The following LGR5 variants were observed in gnomAD, a reference collection of about 807,000 sequenced individuals.
The protein encoded by LGR5 is leucine rich repeat containing G protein-coupled receptor 5.
LGR5 carries 54 observed loss-of-function variants against 76.7 expected under a neutral mutation model. The ratio of observed to expected loss-of-function variants is 0.70; its 90% confidence interval spans 0.57 to 0.88. The LOEUF (loss-of-function observed/expected upper bound fraction) is 0.88. Ranked by LOEUF, LGR5 falls within the 40% of genes least tolerant of loss-of-function variation. The probability of loss-of-function intolerance (pLI) is 0.00; values close to 1 mark genes in which losing one functional copy is unlikely to be tolerated. For missense variants in LGR5, 1,078 were observed against 1,073.3 expected (o/e 1.00, Z -0.06); for synonymous variants, 406 against 421.9 (o/e 0.96, Z 0.46).
At position 71,493,770 on chromosome 12, in the gene LGR5, CT is replaced by C. The variant is rs57504416; in HGVS notation, c.213-10829del. The stretch of plus-strand genomic sequence containing the variant: ...GTCTTATTTGATTTTAGTAAATAAG[CT>C]TTTTTTTTTTTTTTCGAGACAGGGT... On this transcript the variant is annotated intron_variant, in intron 1 of 17. Transcript: ENST00000266674. 9.8e-4 allele frequency among the ~76,000 whole-genome samples: 127 copies of C among 129,528 alleles called. 1 individual carries two copies. Among genetic ancestry groups the C allele is most frequent in the African/African-American group, 2.5e-3 (78 of 31,750 alleles). 85.0% of individuals were successfully genotyped at this position (129,528 alleles called of 152,430 possible).
chr12:71,512,799 TGCAAGGAG>T (rs1875227939), intron 2 of LGR5, among the ~76,000 whole-genome samples: 1 of 152,148 alleles, frequency 6.6e-6, no homozygotes, highest in South Asian at 2.1e-4. Context: ...ATATACTAAG[TGCAAGGAG>T]GCAGCAGGAC....
chr12:71,559,571 T>G lies in LGR5; in HGVS notation c.717-15T>G, dbSNP rs1324205201. 7.2e-7 allele frequency: 1 copy of G among 1,396,798 alleles called. No homozygotes were observed. Among genetic ancestry groups the G allele is most frequent in the Non-Finnish European group, 1.0e-6 (1 of 983,290 alleles). 86.5% of individuals were successfully genotyped at this position (1,396,798 alleles called of 1,614,324 possible). ...TTTAAATAAAAAACTGAAAATACTATGTACTCATTTTCAGAGATTTAAATT... is the reference window on the plus strand; with the variant it reads ...TTTAAATAAAAAACTGAAAATACTAGGTACTCATTTTCAGAGATTTAAATT... On this transcript the variant is annotated splice_polypyrimidine_tract_variant and intron_variant, in intron 6 of 17. Transcript: ENST00000266674.
intron 1 of LGR5, among the ~76,000 whole-genome samples, chr12:71,469,043 G>A (rs1872978235): frequency 6.6e-6 from 1 of 152,030 alleles, no homozygotes; most frequent in South Asian, 2.1e-4. Flanking sequence ...TTCAATTTTT[G>A]TATTTTCGTT....
chr12:71,532,814 A>G (rs1021861088), intron 3 of LGR5, among the ~76,000 whole-genome samples: 3 of 150,376 alleles, frequency 2.0e-5, no homozygotes, highest in African/African-American at 7.3e-5. Flanking sequence ...TTTTTTTGAG[A>G]CAGGGTCTCA....
chr12:71,457,580 C>T (rs1872535756), intron 1 of LGR5, among the ~76,000 whole-genome samples: 1 of 152,106 alleles, frequency 6.6e-6, no homozygotes, highest in Admixed American at 6.5e-5. Flanking sequence ...AAGATAGTTT[C>T]ATGGGCTGCA....
intron 2 of LGR5, among the ~76,000 whole-genome samples, chr12:71,523,420 G>A (rs888475824): frequency 2.0e-5 from 3 of 152,000 alleles, no homozygotes; most frequent in Non-Finnish European, 2.9e-5. Context: ...GGAGGGTGAC[G>A]CAGGAGGATT....
chr12:71,582,377 C>T (rs1251088710), intron 16 of LGR5, 79 bp from the exon 17 acceptor site: 2 of 1,146,462 alleles, frequency 1.7e-6, no homozygotes, highest in Non-Finnish European at 2.6e-6. Flanking sequence ...TCCAGAATAA[C>T]CCAGGACTCT....
intron 1 of LGR5, among the ~76,000 whole-genome samples, chr12:71,478,313 G>A (rs1314116867): frequency 6.6e-6 from 1 of 152,188 alleles, no homozygotes; most frequent in Non-Finnish European, 1.5e-5. Flanking sequence ...AGACGTTAAG[G>A]AAAGACAGAT....
intron 1 of LGR5, among the ~76,000 whole-genome samples, chr12:71,445,850 T>G (rs1002333124): frequency 6.6e-6 from 1 of 152,248 alleles, no homozygotes; most frequent in Non-Finnish European, 1.5e-5. Context: ...TATATCCTCA[T>G]GTATTACTTC....
At chr12:71,558,441 A>C (rs1309244696) in intron 6 of LGR5, among the ~76,000 whole-genome samples, 3 of 152,112 alleles carry the variant, frequency 2.0e-5, no homozygotes, top group Non-Finnish European at 4.4e-5. Context: ...GAGGATAAGC[A>C]ATTTGGTTAT....
chr12:71,546,486 G>A (rs1212259300), intron 4 of LGR5, among the ~76,000 whole-genome samples: 2 of 151,912 alleles, frequency 1.3e-5, no homozygotes, highest in Non-Finnish European at 2.9e-5. Context: ...CCATCCAGTT[G>A]CCCAGGCCAG....
At position 71,535,167 on chromosome 12, in the gene LGR5, T is replaced by C; in HGVS notation, c.409T>C (p.Leu137=). The C allele has an allele frequency of 1.2e-6, 2 of 1,609,676 alleles. No individual in the cohort carries two copies. Among genetic ancestry groups the C allele is most frequent in the South Asian group, 2.2e-5 (2 of 90,986 alleles). ...CGTACCCACAGAAGCTCTGCAGAAT[T>C]TGCGAAGCCTTCAATCCCTGTAAGT... ...RHVPTEALQN[L]RSLQSLRLDA... is the part of the protein sequence containing the mutation. The change falls in exon 4 of 18, where the codon TTG becomes CTG. Residue 137 remains leucine (L), a synonymous_variant. Coordinates refer to ENST00000266674, the MANE Select transcript of LGR5 (RefSeq NM_003667.4).
chr12:71,528,275 T>C (rs897511460), intron 3 of LGR5, among the ~76,000 whole-genome samples: 17 of 151,994 alleles, frequency 1.1e-4, no homozygotes, highest in Non-Finnish European at 2.2e-4. Flanking sequence ...CTGGGCAGCA[T>C]GGCAAAACCC....
intron 1 of LGR5, among the ~76,000 whole-genome samples, chr12:71,475,721 AG>A (rs1162492441): frequency 5.9e-5 from 9 of 152,212 alleles, no homozygotes; most frequent in African/African-American, 1.9e-4. Flanking sequence ...CCCTAACAAA[AG>A]AAAGGTTGTG....
chr12:71,571,402 C>T, intron 11 of LGR5, 112 bp from the exon 12 acceptor site: 1 of 673,452 alleles, frequency 1.5e-6, no homozygotes, highest in Non-Finnish European at 2.5e-6. Context: ...TGAAAATGTT[C>T]AGAGTCTGCC....
intron 1 of LGR5, among the ~76,000 whole-genome samples, chr12:71,447,124 C>T (rs932028614): frequency 9.2e-5 from 14 of 152,212 alleles, no homozygotes; most frequent in African/African-American, 2.2e-4. Context: ...GGATGAGATG[C>T]GATACATTGT....
intron 2 of LGR5, among the ~76,000 whole-genome samples, chr12:71,514,304 C>A (rs532431729): frequency 1.8e-4 from 27 of 152,018 alleles, no homozygotes; most frequent in African/African-American, 6.5e-4. Flanking sequence ...CACGGTGGCT[C>A]ACGCCTGTAA....
intron 16 of LGR5, among the ~76,000 whole-genome samples, chr12:71,581,725 C>G (rs1461212037): frequency 1.3e-5 from 2 of 152,174 alleles, no homozygotes; most frequent in East Asian, 1.9e-4. Flanking sequence ...TATTAGAGAG[C>G]CTACTTTGTG....
chr12:71,499,069 G>A (rs185192689), intron 1 of LGR5, among the ~76,000 whole-genome samples: 23 of 152,262 alleles, frequency 1.5e-4, no homozygotes, highest in African/African-American at 5.3e-4. Flanking sequence ...TTTTCTGGTA[G>A]CACTCAGTAT....
Sources: allele counts gnomAD v4.1 joint callset (sites outside exome capture counted in the v4.1 genomes callset), GRCh38; gene constraint gnomAD v4.1.1; transcripts MANE v1.5; gene names NCBI Gene and HGNC (gene_info 2026-07-23, HGNC 2026-07-21).